PLS1: variants seen among roughly 807,000 people sequenced by gnomAD.
PLS1 encodes the protein plastin-1.
A neutral mutation model predicts 73.7 loss-of-function variants in PLS1; 32 were observed. The observed-to-expected ratio is 0.43, with a 90% confidence interval of 0.33 to 0.58. The LOEUF is 0.58. Among genes scored for constraint, PLS1 ranks in the 20% least tolerant of loss-of-function variants. The pLI is 0.04. For synonymous variants in PLS1, 217 were observed against 261.3 expected, an observed-to-expected ratio of 0.83 and a Z score of 1.63; for missense variants, 633 against 740.5, an observed-to-expected ratio of 0.85 and a Z score of 1.68.
chr3:142,611,574 A>G (rs920096997), intron 1 of PLS1, among the ~76,000 whole-genome samples: 1 of 152,150 alleles, frequency 6.6e-6, no homozygotes, highest in Non-Finnish European at 1.5e-5. Flanking sequence ...GTTAGCCATG[A>G]TTGTACCACT....
chr3:142,709,797 A>G lies in PLS1; in HGVS notation c.1630-1704A>G, dbSNP rs571578710. On this transcript the variant is annotated intron_variant, in intron 14 of 15. Coordinates refer to ENST00000457734, the MANE Select transcript of PLS1 (RefSeq NM_001145319.2). ...GCAACACTGCACGCCAGCCTGGGCA[A>G]CAGAGCGAGACTCTGCGTCAAAAAA... 6.9e-4 allele frequency among the ~76,000 whole-genome samples: 103 copies of G among 149,512 alleles called. 1 individual carries two copies. Among genetic ancestry groups the G allele is most frequent in the East Asian group, 2.3e-3 (12 of 5,110 alleles).
chr3:142,709,899 G>A (rs1271749156), intron 14 of PLS1, among the ~76,000 whole-genome samples: 4 of 151,916 alleles, frequency 2.6e-5, no homozygotes, highest in Non-Finnish European at 5.9e-5. Context: ...CATGGCTTCA[G>A]ATTGTTTTAT....
intron 14 of PLS1, among the ~76,000 whole-genome samples, chr3:142,710,538 C>T (rs111682748): frequency 3.3e-4 from 51 of 152,270 alleles, no homozygotes; most frequent in African/African-American, 1.2e-3. Flanking sequence ...GGTTATCACC[C>T]TACCCCTATT....
intron 9 of PLS1, among the ~76,000 whole-genome samples, chr3:142,688,235 A>C (rs62278480): frequency 0.39 from 59,756 of 152,042 alleles, 12,772 homozygotes; most frequent in Non-Finnish European, 0.48. Flanking sequence ...GGCATGAGCC[A>C]CCACGTCCAG....
At chr3:142,598,992 C>G (rs1241047431) in intron 1 of PLS1, among the ~76,000 whole-genome samples, 4 of 150,220 alleles carry the variant, frequency 2.7e-5, no homozygotes, top group Non-Finnish European at 5.9e-5. Flanking sequence ...CAGTGCAAGA[C>G]TGCATCTGAA....
At position 142,678,093 on chromosome 3, in the gene PLS1, C is replaced by T; in HGVS notation, c.559C>T (p.Leu187Phe). 1 of 1,539,534 alleles carries T rather than the reference C, an allele frequency of 6.5e-7. No individual in the cohort carries two copies. Among genetic ancestry groups the T allele is most frequent in the Non-Finnish European group, 8.8e-7 (1 of 1,132,030 alleles). The change falls in exon 6 of 16, where the codon CTC (leucine) becomes TTC (phenylalanine). Residue 187 changes from leucine to phenylalanine, a missense_variant. By Grantham distance (22) the Leu-to-Phe change is conservative. Transcript: ENST00000457734. ...TGAAAGAGCCATCAATAAGAAAAAG[C>T]TCACGCCATTCACTATTTCTGTAAG... ...IDERAINKKKLTPFTISENLN... is the reference protein window; with the variant it reads ...IDERAINKKKFTPFTISENLN...
At chr3:142,700,528 T>C (rs2038308948) in intron 12 of PLS1, among the ~76,000 whole-genome samples, 1 of 152,184 alleles carries the variant, frequency 6.6e-6, no homozygotes, top group South Asian at 2.1e-4. Context: ...TTTCACCGTG[T>C]TAGCCAGGAT....
At chr3:142,631,664 G>GAA (rs71153981) in intron 1 of PLS1, among the ~76,000 whole-genome samples, 909 of 39,440 alleles carry the variant, frequency 0.023, 168 homozygotes, top group East Asian at 0.1. Context: ...CCTGTCTCTA[G>GAA]AAAAAAAAAA....
intron 1 of PLS1, among the ~76,000 whole-genome samples, chr3:142,598,336 G>C (rs2035849110): frequency 6.6e-6 from 1 of 152,140 alleles, no homozygotes; most frequent in African/African-American, 2.4e-5. Flanking sequence ...GGAGGGAGTG[G>C]GGGAAGGAAG....
chr3:142,619,736 T>C (rs1485348752), intron 1 of PLS1: 1 of 152,224 alleles, frequency 6.6e-6, no homozygotes, highest in East Asian at 1.9e-4. Context: ...TGTGTATGTA[T>C]TGTGTCCTTA....
intron 1 of PLS1, among the ~76,000 whole-genome samples, chr3:142,600,916 A>ATTTTT (rs1170933037): frequency 0.011 from 163 of 14,828 alleles, 43 homozygotes; most frequent in Non-Finnish European, 0.013. Flanking sequence ...ATATATATAT[A>ATTTTT]TTTTTTTTTT....
At chr3:142,627,469 A>T (rs528157733) in intron 1 of PLS1, among the ~76,000 whole-genome samples, 1 of 152,214 alleles carries the variant, frequency 6.6e-6, no homozygotes, top group African/African-American at 2.4e-5. Context: ...AGGCCCATCC[A>T]GTTTAAACTC....
At chr3:142,596,951 A>G (rs959703158) in intron 1 of PLS1, among the ~76,000 whole-genome samples, 16 of 152,018 alleles carry the variant, frequency 1.1e-4, no homozygotes, top group African/African-American at 3.9e-4. Context: ...TGTTTTTGGT[A>G]CCTTTCCTGG....
chr3:142,695,649 C>T (rs1406164318), intron 11 of PLS1, among the ~76,000 whole-genome samples: 1 of 152,032 alleles, frequency 6.6e-6, no homozygotes, highest in Non-Finnish European at 1.5e-5. Flanking sequence ...ATTTTGTTTA[C>T]AATTTGAGTG....
chr3:142,700,875 G>C (rs1272663910), intron 12 of PLS1, among the ~76,000 whole-genome samples: 1 of 152,174 alleles, frequency 6.6e-6, no homozygotes, highest in Non-Finnish European at 1.5e-5. Flanking sequence ...TCTCATTGTA[G>C]TGAATAAGAC....
At chr3:142,683,155 AATT>A (rs2037889925) in intron 6 of PLS1, among the ~76,000 whole-genome samples, 2 of 152,198 alleles carry the variant, frequency 1.3e-5, no homozygotes, top group African/African-American at 4.8e-5. Context: ...CAGCCCATTA[AATT>A]GTCGCTATTA....
At chr3:142,638,381 G>C (rs9816377) in intron 1 of PLS1, among the ~76,000 whole-genome samples, 104,328 of 152,080 alleles carry the variant, frequency 0.69, 36,254 homozygotes, top group Middle Eastern at 0.75. Context: ...GTGTTGAGAA[G>C]GCAGAAGTGC....
intron 1 of PLS1, among the ~76,000 whole-genome samples, chr3:142,599,817 C>T (rs556724949): frequency 9.2e-5 from 14 of 152,194 alleles, no homozygotes; most frequent in Non-Finnish European, 1.5e-4. Flanking sequence ...TGCAGTGGCA[C>T]GATCACTGCT....
chr3:142,667,110 AGTT>A (rs932974276), intron 2 of PLS1, among the ~76,000 whole-genome samples: 1 of 152,186 alleles, frequency 6.6e-6, no homozygotes, highest in African/African-American at 2.4e-5. Flanking sequence ...ACCACCTCAA[AGTT>A]GTTGTAAGAA....
Sources: allele counts gnomAD v4.1 joint callset (sites outside exome capture counted in the v4.1 genomes callset), GRCh38; gene constraint gnomAD v4.1.1; transcripts MANE v1.5; gene names NCBI Gene and HGNC (gene_info 2026-07-23, HGNC 2026-07-21).